The following KIAA0586 variants were observed in gnomAD, a reference collection of about 807,000 sequenced individuals.
KIAA0586 encodes the protein KIAA0586.
A neutral mutation model predicts 169.8 loss-of-function variants in KIAA0586; 144 were observed. The observed-to-expected ratio is 0.85, with a 90% confidence interval of 0.74 to 0.97. The LOEUF (loss-of-function observed/expected upper bound fraction) is 0.97. Ranked by LOEUF, KIAA0586 falls within the 50% of genes least tolerant of loss-of-function variation. The pLI is 0.00. For synonymous variants in KIAA0586, 625 were observed against 612.4 expected (o/e 1.02, Z -0.30); for missense variants, 1,854 against 1,823.0 (o/e 1.02, Z -0.31).
At chr14:58,512,718 ACTG>A (rs2044476756) in intron 29 of KIAA0586, 91 bp downstream of exon 29, 1 of 702,008 alleles carries the variant, frequency 1.4e-6, no homozygotes, top group Admixed American at 3.7e-5. Context: ...TATACATCCC[ACTG>A]CTCTCTAGGT....
At chr14:58,560,674 C>T in the KIAA0586 span, among the ~76,000 whole-genome samples, 4 of 152,296 alleles carry the variant, frequency 2.6e-5, 1 homozygote. Context: ...AAACAAACCT[C>T]ACTTATCTTT....
intron 26 of KIAA0586, among the ~76,000 whole-genome samples, chr14:58,495,082 C>T (rs2043074118): frequency 6.6e-6 from 1 of 152,078 alleles, no homozygotes; most frequent in Non-Finnish European, 1.5e-5. Context: ...CTTTAGTTCT[C>T]AGAATCTATG....
chr14:58,540,262 A>C, intron 30 of KIAA0586, 126 bp downstream of exon 30: 5 of 589,396 alleles, frequency 8.5e-6, no homozygotes, highest in Non-Finnish European at 1.5e-5. Flanking sequence ...ATTCTTCTGT[A>C]ATATCTGTAA....
chr14:58,556,672 G>A, the KIAA0586 span, among the ~76,000 whole-genome samples: 5 of 152,110 alleles, frequency 3.3e-5, no homozygotes, highest in Admixed American at 1.3e-4. Flanking sequence ...TACAGAGTAT[G>A]TACTCTTTTT....
chr14:58,444,180 CTG>C lies in KIAA0586; in HGVS notation c.807+7_807+8del. 2 of 1,571,264 alleles carry C rather than the reference CTG, an allele frequency of 1.3e-6. No homozygotes were observed. The highest frequency in any genetic ancestry group is 1.8e-6 in the Non-Finnish European group (2 of 1,142,576). ...CAACAACAAATAGATATTCAGGTAT[CTG>C]TAATAAATCCAGTACAGATTCCATA... On this transcript the variant is annotated splice_donor_region_variant and intron_variant, in intron 6 of 30. Transcript: ENST00000652326.
At chr14:58,559,207 C>G in the KIAA0586 span, among the ~76,000 whole-genome samples, 1 of 152,330 alleles carries the variant, frequency 6.6e-6, no homozygotes, top group Middle Eastern at 3.4e-3. Flanking sequence ...CACCTATTAG[C>G]TAAGAATTTG....
chr14:58,553,485 A>C (rs2047229031), downstream of KIAA0586, among the ~76,000 whole-genome samples: 1 of 152,134 alleles, frequency 6.6e-6, no homozygotes, highest in South Asian at 2.1e-4. Context: ...GTTACACAGC[A>C]ATTTTACACG....
chr14:58,480,379 T>G (rs1187668232), intron 20 of KIAA0586, among the ~76,000 whole-genome samples: 2 of 151,788 alleles, frequency 1.3e-5, no homozygotes, highest in African/African-American at 4.8e-5. Context: ...TTTAAGACCT[T>G]CATTTTCTCA....
Position 58,484,924 on chromosome 14 carries a change from A to ATAAATATATATTTTTTTT in KIAA0586, c.3145-2082_3145-2081insAAATATATATTTTTTTTT, listed in dbSNP as rs1566877360. Among the ~76,000 whole-genome samples the ATAAATATATATTTTTTTT allele has an allele frequency of 2.6e-3, 34 of 13,050 alleles. 4 individuals carry two copies. Among genetic ancestry groups the ATAAATATATATTTTTTTT allele is most frequent in the Non-Finnish European group, 4.1e-3 (31 of 7,524 alleles). 8.6% of individuals were successfully genotyped at this position (13,050 alleles called of 152,430 possible). On this transcript the variant is annotated intron_variant, in intron 21 of 30. Coordinates refer to ENST00000652326, the MANE Select transcript of KIAA0586 (RefSeq NM_001329943.3). ...TATATATATATATATATATATATATATTTTTTTTTTTTTTTTTTTTTTTTT... is the reference window on the plus strand; with the variant it reads ...TATATATATATATATATATATATATATAAATATATATTTTTTTTTTTTTTTTTTTTTTTTTTTTTTTTT...
chr14:58,446,555 G>T (rs925809107), intron 6 of KIAA0586, among the ~76,000 whole-genome samples: 1 of 151,846 alleles, frequency 6.6e-6, no homozygotes, highest in Non-Finnish European at 1.5e-5. Context: ...ACACATATAT[G>T]TATATATCTA....
intron 29 of KIAA0586, among the ~76,000 whole-genome samples, chr14:58,531,266 G>C (rs889548450): frequency 6.6e-6 from 1 of 150,792 alleles, no homozygotes; most frequent in Non-Finnish European, 1.5e-5. Flanking sequence ...GGCAGAGCTT[G>C]CAGTGAGCCG....
chr14:58,536,472 C>T (rs997311970), intron 29 of KIAA0586, among the ~76,000 whole-genome samples: 1 of 152,154 alleles, frequency 6.6e-6, no homozygotes, highest in Non-Finnish European at 1.5e-5. Context: ...CTGGAAAGGA[C>T]ATGATTTCAT....
At chr14:58,432,359 A>C (rs750138531) in intron 3 of KIAA0586, 29 bp from the exon 4 acceptor site, 15 of 1,307,480 alleles carry the variant, frequency 1.1e-5, no homozygotes, top group Non-Finnish European at 1.4e-5. Flanking sequence ...CAGGAATTTA[A>C]TATATATTTT....
intron 8 of KIAA0586, 98 bp downstream of exon 8, chr14:58,450,844 T>A: frequency 1.4e-6 from 1 of 691,588 alleles, no homozygotes; most frequent in Non-Finnish European, 2.4e-6. Flanking sequence ...ATTTGTAATA[T>A]TTTACTTTAA....
chr14:58,530,401 A>T (rs1488020732), intron 29 of KIAA0586, among the ~76,000 whole-genome samples: 1 of 152,254 alleles, frequency 6.6e-6, no homozygotes, highest in African/African-American at 2.4e-5. Flanking sequence ...CTAAGCAAAA[A>T]GAACAAAGCT....
chr14:58,534,808 G>T (rs1406207954), intron 29 of KIAA0586, among the ~76,000 whole-genome samples: 8 of 152,168 alleles, frequency 5.3e-5, no homozygotes, highest in Non-Finnish European at 8.8e-5. Context: ...AACTACAAAG[G>T]TATCATCTTT....
chr14:58,521,249 G>A (rs537853039), intron 29 of KIAA0586: 4 of 1,118,002 alleles, frequency 3.6e-6, no homozygotes, highest in Admixed American at 1.8e-5. Context: ...CCGACAAGAC[G>A]GATCCTCACT....
intron 25 of KIAA0586, among the ~76,000 whole-genome samples, chr14:58,491,154 C>G: frequency 6.6e-6 from 1 of 152,088 alleles, no homozygotes; most frequent in Admixed American, 6.6e-5. Context: ...TAGCATTTTT[C>G]TCCTCTCTTT....
intron 8 of KIAA0586, among the ~76,000 whole-genome samples, chr14:58,452,563 A>G (rs1345540048): frequency 1.3e-5 from 2 of 152,198 alleles, no homozygotes; most frequent in Non-Finnish European, 2.9e-5. Context: ...AAATAGATAA[A>G]TCTCTTCTTT....
Sources: gnomAD v4.1 joint callset for allele counts (sites outside exome capture counted in the v4.1 genomes callset) on GRCh38, gnomAD v4.1.1 for gene constraint, MANE v1.5 for transcripts, NCBI Gene and HGNC (gene_info 2026-07-23, HGNC 2026-07-21) for gene names.